The following CFAP299 variants were observed in gnomAD, a reference collection of about 807,000 sequenced individuals.
CFAP299 encodes the protein cilia- and flagella-associated protein 299.
Under a neutral mutation model 27.0 loss-of-function variants are expected in CFAP299, and 21 were observed. The observed-to-expected ratio is 0.78, with a 90% CI of 0.55 to 1.12. The LOEUF (loss-of-function observed/expected upper bound fraction) is 1.12, where lower values mean the gene tolerates loss of function less well. CFAP299 is among the 50% of genes most tolerant of loss of function. The pLI is 0.00. For missense variants in CFAP299, 310 were observed against 276.6 expected (o/e 1.12, Z -0.86); for synonymous variants, 104 against 98.1 (o/e 1.06, Z -0.36).
At chr4:80,566,655 C>G (rs1333378791) in intron 2 of CFAP299, among the ~76,000 whole-genome samples, 3 of 152,094 alleles carry the variant, frequency 2.0e-5, no homozygotes, top group Non-Finnish European at 4.4e-5. Flanking sequence ...GGAGAGGGAC[C>G]TGGAGGCAGG....
At chr4:80,598,713 TCTGA>T (rs1737179465) in intron 3 of CFAP299, among the ~76,000 whole-genome samples, 1 of 152,180 alleles carries the variant, frequency 6.6e-6, no homozygotes, top group South Asian at 2.1e-4. Context: ...TCCTAAAATC[TCTGA>T]CTGGTATGCT....
chr4:80,396,806 T>C (rs1354758557), intron 2 of CFAP299, among the ~76,000 whole-genome samples: 1 of 152,222 alleles, frequency 6.6e-6, no homozygotes, highest in Non-Finnish European at 1.5e-5. Context: ...GATTTTAGCA[T>C]CGATGTTCAT....
chr4:80,855,938 G>C (rs1731849984), intron 3 of CFAP299, among the ~76,000 whole-genome samples: 1 of 151,744 alleles, frequency 6.6e-6, no homozygotes, highest in Admixed American at 6.6e-5. Flanking sequence ...GGGATGGCTG[G>C]GTCAAATGGT....
At chr4:80,355,992 C>T (rs536083201) in intron 1 of CFAP299, among the ~76,000 whole-genome samples, 123 of 152,164 alleles carry the variant, frequency 8.1e-4, no homozygotes, top group Non-Finnish European at 1.4e-3. Context: ...AGTCTTTAAT[C>T]CATCTTGAAT....
At chr4:80,793,285 T>C (rs1013388997) in intron 3 of CFAP299, among the ~76,000 whole-genome samples, 8 of 152,052 alleles carry the variant, frequency 5.3e-5, no homozygotes, top group Non-Finnish European at 1.2e-4. Context: ...GAGAAAGATG[T>C]AGGCTGGGAG....
intron 2 of CFAP299, among the ~76,000 whole-genome samples, chr4:80,576,723 T>C (rs1287617629): frequency 3.3e-5 from 5 of 152,202 alleles, no homozygotes; most frequent in African/African-American, 1.2e-4. Context: ...TGCTCTTCAT[T>C]AATTTTTTCC....
intron 4 of CFAP299, among the ~76,000 whole-genome samples, chr4:80,900,781 G>T (rs547775695): frequency 6.6e-6 from 1 of 151,744 alleles, no homozygotes; most frequent in East Asian, 1.9e-4. Flanking sequence ...AAACAGGGCT[G>T]GGATTTGAAA....
intron 4 of CFAP299, among the ~76,000 whole-genome samples, chr4:80,900,509 C>G (rs911546457): frequency 6.6e-6 from 1 of 151,998 alleles, no homozygotes; most frequent in African/African-American, 2.4e-5. Flanking sequence ...TTCTCAGTAA[C>G]TGGATTAATA....
intron 3 of CFAP299, among the ~76,000 whole-genome samples, chr4:80,778,296 G>C (rs1315170527): frequency 6.6e-6 from 1 of 152,068 alleles, no homozygotes; most frequent in East Asian, 1.9e-4. Context: ...TTGGAGAAGA[G>C]CAATTCTTAT....
intron 2 of CFAP299, among the ~76,000 whole-genome samples, chr4:80,432,012 G>C (rs999762367): frequency 6.6e-6 from 1 of 151,912 alleles, no homozygotes. Context: ...AGGCCCACTT[G>C]GTTCACAAAA....
chr4:80,800,498 A>T (rs905187217), intron 3 of CFAP299, among the ~76,000 whole-genome samples: 142 of 2,304 alleles, frequency 0.062, 6 homozygotes, highest in Admixed American at 0.11. Flanking sequence ...TATAATATAT[A>T]ATATATTATA....
chr4:80,371,307 G>C (rs983138103), intron 2 of CFAP299, among the ~76,000 whole-genome samples: 1 of 152,140 alleles, frequency 6.6e-6, no homozygotes, highest in Admixed American at 6.5e-5. Context: ...TGATGGGAGG[G>C]GCTGCCACGA....
chr4:80,576,196 A>AT (rs1560633601), intron 2 of CFAP299, among the ~76,000 whole-genome samples: 51 of 132,378 alleles, frequency 3.9e-4, no homozygotes, highest in African/African-American at 1.1e-3. Flanking sequence ...ATAAAAAAAA[A>AT]AATATATATA....
At chr4:80,797,887 G>T (rs1471493648) in intron 3 of CFAP299, among the ~76,000 whole-genome samples, 1 of 152,084 alleles carries the variant, frequency 6.6e-6, no homozygotes, top group African/African-American at 2.4e-5. Context: ...CTCACAGTGG[G>T]GGCAATCTTT....
chr4:80,792,548 T>C (rs1727631501), intron 3 of CFAP299, among the ~76,000 whole-genome samples: 1 of 152,116 alleles, frequency 6.6e-6, no homozygotes. Flanking sequence ...TGGTATATTT[T>C]AAGCTTGTTT....
intron 3 of CFAP299, among the ~76,000 whole-genome samples, chr4:80,866,709 C>T (rs1212595012): frequency 2.0e-5 from 3 of 152,100 alleles, no homozygotes; most frequent in Non-Finnish European, 2.9e-5. Flanking sequence ...CACTTAAAGT[C>T]CTCCAGCATC....
intron 3 of CFAP299, among the ~76,000 whole-genome samples, chr4:80,719,138 C>G (rs897741597): frequency 6.6e-6 from 1 of 151,986 alleles, no homozygotes; most frequent in African/African-American, 2.4e-5. Context: ...TTGGGACCCA[C>G]TTGAACGTGG....
the CFAP299 span, among the ~76,000 whole-genome samples, chr4:80,325,109 C>T: frequency 4.6e-5 from 7 of 152,148 alleles, no homozygotes; most frequent in Non-Finnish European, 7.3e-5. Flanking sequence ...GGTGACAGAG[C>T]GAGACTCCGT....
At chr4:80,728,597 C>G (rs1302327621) in intron 3 of CFAP299, among the ~76,000 whole-genome samples, 2 of 152,124 alleles carry the variant, frequency 1.3e-5, no homozygotes, top group Non-Finnish European at 2.9e-5. Flanking sequence ...GGAAACTAAC[C>G]TCACCCATCT....
Sources: gnomAD v4.1 joint callset for allele counts (sites outside exome capture counted in the v4.1 genomes callset) on GRCh38, gnomAD v4.1.1 for gene constraint, MANE v1.5 for transcripts, NCBI Gene and HGNC (gene_info 2026-07-23, HGNC 2026-07-21) for gene names.